The following SLCO2A1 variants were observed in gnomAD, a reference collection of about 807,000 sequenced individuals.
The protein encoded by SLCO2A1 is matrin F/G 1.
In SLCO2A1, 60 loss-of-function variants were observed where a neutral mutation model predicts 71.7. The observed-to-expected ratio is 0.84, with a 90% CI of 0.68 to 1.04. SLCO2A1 has a LOEUF of 1.04. SLCO2A1 is among the 50% of genes least tolerant of loss of function. The pLI is 0.00. For missense variants in SLCO2A1, 745 were observed against 813.4 expected (o/e 0.92, Z 1.02); for synonymous variants, 308 against 326.7 (o/e 0.94, Z 0.62).
Position 133,933,051 on chromosome 3 carries a change from C to T in SLCO2A1, c.*1662G>A, listed in dbSNP as rs1218940817. On this transcript the variant is annotated 3_prime_UTR_variant, in exon 14 of 14. Transcript: ENST00000310926. ...GCATTGGACTTTGTTTGGACATTGA[C>T]ATAAATATTTTGGCATATCACCATA... The T allele has an allele frequency of 6.6e-6, 1 of 152,564 alleles. No homozygotes were observed. Among genetic ancestry groups the T allele is most frequent in the Non-Finnish European group, 1.5e-5 (1 of 68,038 alleles). The allele number at this position is 152,564 out of a possible 1,614,324, so 9.5% of individuals were successfully genotyped here.
intron 1 of SLCO2A1, among the ~76,000 whole-genome samples, chr3:134,019,551 C>T (rs1264067476): frequency 1.3e-5 from 2 of 152,262 alleles, no homozygotes; most frequent in South Asian, 2.1e-4. Flanking sequence ...GACAGCACAG[C>T]ATGGTTTACA....
chr3:133,970,754 C>CATA (rs1024614338), intron 3 of SLCO2A1, among the ~76,000 whole-genome samples: 1 of 152,214 alleles, frequency 6.6e-6, no homozygotes, highest in Non-Finnish European at 1.5e-5. Context: ...CCTATTGTTG[C>CATA]ATATAGAATT....
intron 10 of SLCO2A1, among the ~76,000 whole-genome samples, chr3:133,943,868 G>T (rs1274269840): frequency 1.3e-5 from 2 of 152,248 alleles, no homozygotes; most frequent in Non-Finnish European, 2.9e-5. Flanking sequence ...TCCTTTCAGA[G>T]GAGGTTGGTA....
At chr3:134,014,023 A>T (rs1008336915) in intron 1 of SLCO2A1, among the ~76,000 whole-genome samples, 2 of 152,024 alleles carry the variant, frequency 1.3e-5, no homozygotes, top group African/African-American at 4.8e-5. Flanking sequence ...AGGCATTTTA[A>T]CTGAGGCTGT....
chr3:134,006,579 T>C (rs998205746), intron 1 of SLCO2A1, among the ~76,000 whole-genome samples: 2 of 152,240 alleles, frequency 1.3e-5, no homozygotes, highest in African/African-American at 2.4e-5. Flanking sequence ...CAGTATTTTG[T>C]CGTTCTGTGA....
intron 1 of SLCO2A1, among the ~76,000 whole-genome samples, chr3:134,006,151 G>A (rs1237641700): frequency 6.6e-6 from 1 of 152,122 alleles, no homozygotes; most frequent in African/African-American, 2.4e-5. Flanking sequence ...TGACCTCCGA[G>A]GCTCAAGCAA....
In SLCO2A1 at chr3:133,979,770, A is replaced by G. The variant is rs142111868; in HGVS notation, c.97-152T>C. ...CCCAGGGTCTCCAGGATGAAACGTC[A>G]TCATTGCAACATTGTGTTGCACCCT... On this transcript the variant is annotated intron_variant, in intron 1 of 13. Coordinates refer to ENST00000310926, the MANE Select transcript of SLCO2A1 (RefSeq NM_005630.3). 2.0e-5 allele frequency: 16 copies of G among 801,582 alleles called. No individual in the cohort carries two copies. In the African/African-American group the frequency reaches 2.4e-4, roughly 12 times the overall value. 49.7% of individuals were successfully genotyped at this position (801,582 alleles called of 1,614,324 possible).
chr3:133,942,639 T>C lies in SLCO2A1; in HGVS notation c.1591A>G (p.Ile531Val). The change falls in exon 11 of 14, where the codon ATC (isoleucine) becomes GTC (valine). Residue 531 changes from isoleucine (I) to valine (V), a missense_variant. Transcript: ENST00000310926. ...ATCATGTAGAGGGGGTTGTGGGAGA[T>C]GCAGGCTATCAGGGACACGAAGGAG... ...LISFVSLIAC[I>V]SHNPLYMMVL... 3.1e-6 allele frequency: 5 copies of C among 1,613,452 alleles called. No individual in the cohort carries two copies. The highest frequency in any genetic ancestry group is 4.2e-6 in the Non-Finnish European group (5 of 1,179,758).
At chr3:133,938,620 C>A in intron 11 of SLCO2A1, 127 bp from the exon 12 acceptor site, 1 of 796,270 alleles carries the variant, frequency 1.3e-6, no homozygotes, top group Admixed American at 1.9e-5. Context: ...CCTCTGGTGA[C>A]CGGGTTCACC....
rs1235286824 is a variant in SLCO2A1 at position 133,953,731 on chromosome 3, G to A, written c.656C>T (p.Pro219Leu). The change falls in exon 5 of 14, where the codon CCG becomes CTG. Residue 219 changes from proline to leucine, a missense_variant. Pro to Leu is a moderately conservative substitution (Grantham distance 98, BLOSUM62 -3). Transcript: ENST00000310926. Reference sequence around the variant, plus strand: ...AGAGCCCAGCAGGTACCCGAAAGCCGGTCCAAATACAGAGATGGCAAATAA... The same window carrying A: ...AGAGCCCAGCAGGTACCCGAAAGCCAGTCCAAATACAGAGATGGCAAATAA... ...SILFAISVFGPAFGYLLGSVM... is the reference protein window; with the variant it reads ...SILFAISVFGLAFGYLLGSVM... The A allele has an allele frequency of 8.1e-6, 13 of 1,614,102 alleles. No individual in the cohort carries two copies. Among genetic ancestry groups the A allele is most frequent in the Non-Finnish European group, 1.0e-5 (12 of 1,180,012 alleles).
chr3:133,949,884 G>A (rs1933694191), intron 6 of SLCO2A1, among the ~76,000 whole-genome samples: 3 of 152,130 alleles, frequency 2.0e-5, no homozygotes, highest in Non-Finnish European at 4.4e-5. Flanking sequence ...CTGGTGTGCA[G>A]TGGTGCAGTC....
At chr3:133,972,356 A>G (rs1934344504) in intron 3 of SLCO2A1, among the ~76,000 whole-genome samples, 1 of 152,176 alleles carries the variant, frequency 6.6e-6, no homozygotes, top group African/African-American at 2.4e-5. Flanking sequence ...ACTGAAAACT[A>G]TGAAAGAGAG....
intron 2 of SLCO2A1, among the ~76,000 whole-genome samples, chr3:133,977,062 C>T (rs958386877): frequency 6.6e-6 from 1 of 152,160 alleles, no homozygotes; most frequent in Non-Finnish European, 1.5e-5. Flanking sequence ...CTTCCCCTTG[C>T]ACCAGGCCGG....
At chr3:134,003,842 G>T (rs1935149807) in intron 1 of SLCO2A1, among the ~76,000 whole-genome samples, 1 of 152,200 alleles carries the variant, frequency 6.6e-6, no homozygotes, top group South Asian at 2.1e-4. Flanking sequence ...GGGTAAGGGA[G>T]ATTATCCTAG....
Position 134,014,558 on chromosome 3 carries a change from G to A in SLCO2A1, c.96+15149C>T, listed in dbSNP as rs147417294. Among the ~76,000 whole-genome samples, 30 of 152,262 alleles carry A rather than the reference G, an allele frequency of 2.0e-4. No homozygotes were observed. In the East Asian group the frequency reaches 5.2e-3, roughly 26 times the overall value. On this transcript the variant is annotated intron_variant, in intron 1 of 13. Transcript: ENST00000310926. ...ACTCAAAGACAATGCGGGTGCTTTC[G>A]CCAGGTTTCATAACAGGTCTCCTAG... is the stretch of plus-strand genomic sequence containing the variant.
At chr3:133,970,560 T>G (rs1240140190) in intron 3 of SLCO2A1, among the ~76,000 whole-genome samples, 1 of 152,248 alleles carries the variant, frequency 6.6e-6, no homozygotes, top group East Asian at 1.9e-4. Context: ...CATATTAGCA[T>G]AGCACACTCA....
At chr3:133,965,579 G>A (rs1246894408) in intron 3 of SLCO2A1, among the ~76,000 whole-genome samples, 1 of 152,204 alleles carries the variant, frequency 6.6e-6, no homozygotes, top group Non-Finnish European at 1.5e-5. Context: ...ATTCCTACAG[G>A]GAGAAAATAT....
intron 1 of SLCO2A1, among the ~76,000 whole-genome samples, chr3:134,019,778 T>G (rs1935530986): frequency 2.6e-5 from 4 of 152,250 alleles, no homozygotes; most frequent in African/African-American, 9.6e-5. Flanking sequence ...TATGTGGGTT[T>G]TTGCAGGAAT....
intron 3 of SLCO2A1, among the ~76,000 whole-genome samples, chr3:133,961,789 A>C (rs933916800): frequency 6.6e-6 from 1 of 152,210 alleles, no homozygotes; most frequent in Non-Finnish European, 1.5e-5. Flanking sequence ...CTTCCAAAGA[A>C]CTTTCTTCCT....
Sources: allele counts gnomAD v4.1 joint callset (sites outside exome capture counted in the v4.1 genomes callset), GRCh38; gene constraint gnomAD v4.1.1; transcripts MANE v1.5; gene names NCBI Gene and HGNC (gene_info 2026-07-23, HGNC 2026-07-21).